The following PTCHD1 variants were observed in gnomAD, a reference collection of about 807,000 sequenced individuals.
PTCHD1 encodes patched domain containing 1.
A neutral mutation model predicts 34.6 loss-of-function variants in PTCHD1; 3 were observed. The observed-to-expected ratio is 0.09, with a 90% CI of 0.04 to 0.22. PTCHD1 has a LOEUF of 0.22. Ranked by LOEUF, PTCHD1 falls within the 10% of genes least tolerant of loss-of-function variation. The pLI is 1.00. For synonymous variants in PTCHD1, 305 were observed against 283.1 expected (o/e 1.08, Z -0.77); for missense variants, 504 against 685.5 (o/e 0.74, Z 2.96).
At chrX:23,359,078 G>A (rs1921896833) in intron 1 of PTCHD1, among the ~76,000 whole-genome samples, 1 of 112,247 alleles carries the variant, frequency 8.9e-6, no homozygotes, top group South Asian at 3.7e-4. Context: ...AAGTCAGTTA[G>A]CGTGATGCCT....
intron 1 of PTCHD1, among the ~76,000 whole-genome samples, chrX:23,376,828 G>A (rs746254521): frequency 1.8e-5 from 2 of 112,491 alleles, no homozygotes; most frequent in South Asian, 7.5e-4. Context: ...AAGCAAGAGT[G>A]ACATGTTCTA....
rs1331204035 is a variant in PTCHD1, at chrX:23,404,149, G to A, written c.*9964G>A. The A allele has an allele frequency of 8.9e-6, 1 of 112,301 alleles. No individual in the cohort carries two copies. Among genetic ancestry groups the A allele is most frequent in the East Asian group, 2.8e-4 (1 of 3,580 alleles). The allele number at this position is 112,301 out of a possible 1,213,427, so 9.3% of individuals were successfully genotyped here. ...TGCCAAATACATGGAGTCCTTAGTT[G>A]ACTATCTTTTCATATTAAAATCCCA... On this transcript the variant is annotated 3_prime_UTR_variant, in exon 3 of 3. Coordinates refer to ENST00000379361, the MANE Select transcript of PTCHD1 (RefSeq NM_173495.3).
intron 2 of PTCHD1, among the ~76,000 whole-genome samples, chrX:23,383,511 A>C (rs1254730181): frequency 2.7e-5 from 3 of 112,087 alleles, no homozygotes; most frequent in Non-Finnish European, 5.6e-5. Context: ...ATAAACTCTT[A>C]AGAGTTCACC....
intron 1 of PTCHD1, among the ~76,000 whole-genome samples, chrX:23,370,971 A>G (rs1356957469): frequency 1.8e-5 from 2 of 111,489 alleles, no homozygotes; most frequent in South Asian, 7.7e-4. Context: ...CCCCCTCAGG[A>G]AGCTCAGGTT....
chrX:23,396,170 G>A lies in PTCHD1; in HGVS notation c.*1985G>A, dbSNP rs1056291051. The A allele has an allele frequency of 3.6e-5, 4 of 112,277 alleles. No homozygotes were observed. Among genetic ancestry groups the A allele is most frequent in the Non-Finnish European group, 7.5e-5 (4 of 53,201 alleles). 9.3% of individuals were successfully genotyped at this position (112,277 alleles called of 1,213,427 possible). On this transcript the variant is annotated 3_prime_UTR_variant, in exon 3 of 3. Transcript: ENST00000379361. ...TGCAAACCTGTGCTTTCTATTTCAC[G>A]TACTGTTGTCCATACAGTTCTAAAT...
At chrX:23,356,007 C>G (rs1281825797) in intron 1 of PTCHD1, among the ~76,000 whole-genome samples, 1 of 111,997 alleles carries the variant, frequency 8.9e-6, no homozygotes, top group African/African-American at 3.3e-5. Context: ...CCCACATGTT[C>G]TGTTTCCTCT....
At chrX:23,351,346 A>G (rs760172564) in intron 1 of PTCHD1, 7 of 831,036 alleles carry the variant, frequency 8.4e-6, no homozygotes, top group Non-Finnish European at 1.3e-5. Flanking sequence ...TCAGGCCCAG[A>G]TGACACCAAG....
intron 1 of PTCHD1, among the ~76,000 whole-genome samples, chrX:23,360,060 A>C: frequency 8.9e-6 from 1 of 111,943 alleles, no homozygotes; most frequent in East Asian, 2.8e-4. Context: ...CTAGTATTTT[A>C]TTGAGGATTT....
chrX:23,356,251 G>A lies in PTCHD1; in HGVS notation c.351+21025G>A, dbSNP rs1053625351. Among the ~76,000 whole-genome samples, 7 of 112,043 alleles carry A rather than the reference G, an allele frequency of 6.2e-5. No individual in the cohort carries two copies. The East Asian group carries it at 1.7e-3, about 27-fold the overall frequency. ...TCTCCACATGCACTGTGCTGGGAGC[G>A]GGGATATAACAAATAACAAGATTGA... On this transcript the variant is annotated intron_variant, in intron 1 of 2. Transcript: ENST00000379361.
chrX:23,361,335 G>A (rs754281118), intron 1 of PTCHD1, among the ~76,000 whole-genome samples: 2 of 112,045 alleles, frequency 1.8e-5, no homozygotes, highest in South Asian at 3.7e-4. Flanking sequence ...GCGTGCTCCT[G>A]TATTGGGTGC....
intron 1 of PTCHD1, among the ~76,000 whole-genome samples, chrX:23,358,879 TC>T (rs1374888526): frequency 8.9e-6 from 1 of 112,289 alleles, no homozygotes; most frequent in Non-Finnish European, 1.9e-5. Context: ...TAGCCAGTTT[TC>T]CCCGCACCAT....
At position 23,396,780 on chromosome X, in the gene PTCHD1, G is replaced by T. The variant is rs1922999984; in HGVS notation, c.*2595G>T. On this transcript the variant is annotated 3_prime_UTR_variant, in exon 3 of 3. Coordinates refer to ENST00000379361, the MANE Select transcript of PTCHD1 (RefSeq NM_173495.3). ...TGAAGGCTTATGGAATTCTGACTGT[G>T]AAATGAATTTTTCTATTGGGAGATT... 2 of 112,104 alleles carry T rather than the reference G, an allele frequency of 1.8e-5. No individual in the cohort carries two copies. The highest frequency in any genetic ancestry group is 6.5e-5 in the African/African-American group (2 of 30,730). 9.2% of individuals were successfully genotyped at this position (112,104 alleles called of 1,213,427 possible).
At chrX:23,351,720 A>G (rs963854315) in intron 1 of PTCHD1, among the ~76,000 whole-genome samples, 2 of 112,657 alleles carry the variant, frequency 1.8e-5, no homozygotes, top group African/African-American at 6.4e-5. Context: ...GAAGGAAATG[A>G]AGATTTAAAA....
At chrX:23,351,327 T>A in intron 1 of PTCHD1, 1 of 861,765 alleles carries the variant, frequency 1.2e-6, no homozygotes, top group Non-Finnish European at 1.7e-6. Flanking sequence ...CTTCATCATT[T>A]GCTGTCTCTC....
At chrX:23,341,582 C>G (rs1162770041) in intron 1 of PTCHD1, among the ~76,000 whole-genome samples, 2 of 112,229 alleles carry the variant, frequency 1.8e-5, no homozygotes, top group Non-Finnish European at 3.8e-5. Context: ...AGCAAGCAGG[C>G]CTGTCTGCAG....
intron 1 of PTCHD1, among the ~76,000 whole-genome samples, chrX:23,357,767 C>T (rs183332010): frequency 9.0e-6 from 1 of 111,335 alleles, no homozygotes; most frequent in Non-Finnish European, 1.9e-5. Context: ...CCCATCAACC[C>T]GTCATTTACA....
At position 23,397,693 on chromosome X, in the gene PTCHD1, T is replaced by A. The variant is rs1923024683; in HGVS notation, c.*3508T>A. ...TCCAAATGAGGACCTTGGTAACCCT[T>A]GACCCTTTAATTCTAACTAACCATC... On this transcript the variant is annotated 3_prime_UTR_variant, in exon 3 of 3. Coordinates refer to ENST00000379361, the MANE Select transcript of PTCHD1 (RefSeq NM_173495.3). The A allele has an allele frequency of 9.0e-6, 1 of 111,059 alleles. No homozygotes were observed. Among genetic ancestry groups the A allele is most frequent in the Non-Finnish European group, 1.9e-5 (1 of 53,095 alleles). 9.2% of individuals were successfully genotyped at this position (111,059 alleles called of 1,213,427 possible). A position where few individuals can be genotyped will look rare whatever the true frequency, so the allele number is the denominator to read the frequency against.
chrX:23,334,824 A>C (rs1243779408), upstream of PTCHD1: 4 of 848,281 alleles, frequency 4.7e-6, no homozygotes, highest in Non-Finnish European at 6.0e-6. Flanking sequence ...CGCCGCCCGA[A>C]CCCGCGCCGA....
intron 1 of PTCHD1, chrX:23,351,102 C>T: frequency 2.1e-6 from 1 of 485,304 alleles, no homozygotes; most frequent in East Asian, 3.6e-5. Flanking sequence ...CAAGTGCCAT[C>T]TTCAAAATTT....
Sources: allele counts gnomAD v4.1 joint callset (sites outside exome capture counted in the v4.1 genomes callset), GRCh38; gene constraint gnomAD v4.1.1; transcripts MANE v1.5; gene names NCBI Gene and HGNC (gene_info 2026-07-23, HGNC 2026-07-21).